ADAMTS12: variants seen among roughly 807,000 people sequenced by gnomAD.
The protein encoded by ADAMTS12 is A disintegrin and metalloproteinase with thrombospondin motifs 12.
A neutral mutation model predicts 167.8 loss-of-function variants in ADAMTS12; 118 were observed. That is an observed-to-expected ratio of 0.70 (90% confidence interval 0.61 to 0.82). ADAMTS12 has a LOEUF of 0.82. ADAMTS12 is among the 40% of genes least tolerant of loss of function. The pLI is 0.00. For synonymous variants in ADAMTS12, 704 were observed against 716.9 expected (o/e 0.98, Z 0.29); for missense variants, 1,916 against 1,998.8 (o/e 0.96, Z 0.79).
intron 17 of ADAMTS12, among the ~76,000 whole-genome samples, chr5:33,594,832 C>T (rs1174092284): frequency 6.6e-6 from 1 of 152,212 alleles, no homozygotes; most frequent in Non-Finnish European, 1.5e-5. Context: ...AAGAGACTGA[C>T]ATCATTTTTT....
chr5:33,582,145 A>C (rs1747096259), intron 18 of ADAMTS12, among the ~76,000 whole-genome samples: 1 of 152,198 alleles, frequency 6.6e-6, no homozygotes, highest in African/African-American at 2.4e-5. Flanking sequence ...AAAAAAAATC[A>C]GACCTAGATA....
intron 3 of ADAMTS12, among the ~76,000 whole-genome samples, chr5:33,697,609 A>G (rs892295955): frequency 6.6e-6 from 1 of 151,940 alleles, no homozygotes; most frequent in Non-Finnish European, 1.5e-5. Flanking sequence ...TTAGATGCCC[A>G]GACACAATAC....
At chr5:33,579,401 T>C (rs1746937430) in intron 18 of ADAMTS12, among the ~76,000 whole-genome samples, 1 of 152,226 alleles carries the variant, frequency 6.6e-6, no homozygotes, top group Non-Finnish European at 1.5e-5. Flanking sequence ...TTCCTTTCCA[T>C]GAAGTATTAG....
At chr5:33,621,418 A>AG (rs1195016199) in intron 14 of ADAMTS12, among the ~76,000 whole-genome samples, 30 of 148,928 alleles carry the variant, frequency 2.0e-4, no homozygotes, top group African/African-American at 7.3e-4. Flanking sequence ...AAAAAAAAAA[A>AG]AGAATATTCA....
chr5:33,731,190 C>CT (rs70964414), intron 3 of ADAMTS12, among the ~76,000 whole-genome samples: 19,292 of 144,410 alleles, frequency 0.13, 1,405 homozygotes, highest in Middle Eastern at 0.17. Flanking sequence ...TCTTTCTTTT[C>CT]TTTTTTTTTT....
chr5:33,829,932 A>G (rs1411740498), intron 2 of ADAMTS12, among the ~76,000 whole-genome samples: 1 of 152,150 alleles, frequency 6.6e-6, no homozygotes, highest in East Asian at 1.9e-4. Context: ...AGCCCTTTCC[A>G]TAACTCTCTT....
intron 2 of ADAMTS12, among the ~76,000 whole-genome samples, chr5:33,770,417 G>A (rs977498671): frequency 6.6e-6 from 1 of 152,094 alleles, no homozygotes; most frequent in Non-Finnish European, 1.5e-5. Flanking sequence ...GTAACTGCCC[G>A]TGATTCAGCT....
intron 2 of ADAMTS12, among the ~76,000 whole-genome samples, chr5:33,755,575 C>G (rs981089207): frequency 5.3e-5 from 8 of 152,168 alleles, no homozygotes; most frequent in African/African-American, 1.7e-4. Context: ...CTGACAGCAT[C>G]TTATATGGAA....
intron 2 of ADAMTS12, among the ~76,000 whole-genome samples, chr5:33,785,711 C>T (rs957048185): frequency 3.3e-5 from 5 of 152,124 alleles, no homozygotes; most frequent in Non-Finnish European, 5.9e-5. Flanking sequence ...TTGTATGTTG[C>T]TGTTGAAAAT....
chr5:33,699,072 G>A (rs1242383232), intron 3 of ADAMTS12, among the ~76,000 whole-genome samples: 1 of 152,148 alleles, frequency 6.6e-6, no homozygotes, highest in Non-Finnish European at 1.5e-5. Context: ...CAGGAGAATT[G>A]CTTGAATCCA....
intron 3 of ADAMTS12, among the ~76,000 whole-genome samples, chr5:33,687,106 C>T (rs1477546267): frequency 6.7e-6 from 1 of 148,468 alleles, no homozygotes; most frequent in Non-Finnish European, 1.5e-5. Flanking sequence ...TTTTTAAAGA[C>T]ATCTTTAAAG....
intron 3 of ADAMTS12, among the ~76,000 whole-genome samples, chr5:33,694,997 T>C (rs906549764): frequency 1.3e-5 from 2 of 152,222 alleles, no homozygotes; most frequent in African/African-American, 4.8e-5. Flanking sequence ...TGGATATCCA[T>C]CTAGGGTCTC....
intron 19 of ADAMTS12, among the ~76,000 whole-genome samples, chr5:33,571,260 C>T (rs2111936233): frequency 6.6e-6 from 1 of 152,302 alleles, no homozygotes; most frequent in East Asian, 1.9e-4. Context: ...TAGACATCTA[C>T]AGAACTCTCC....
chr5:33,729,041 G>A (rs747170791), intron 3 of ADAMTS12, among the ~76,000 whole-genome samples: 14 of 152,276 alleles, frequency 9.2e-5, no homozygotes, highest in Non-Finnish European at 1.0e-4. Context: ...AAACCGATGA[G>A]CATCAAATAT....
chr5:33,736,370 T>G (rs1368771283), intron 3 of ADAMTS12, among the ~76,000 whole-genome samples: 11 of 152,232 alleles, frequency 7.2e-5, no homozygotes, highest in Admixed American at 4.6e-4. Context: ...GCCTGTAGTT[T>G]GTTTTTAAAA....
intron 2 of ADAMTS12, among the ~76,000 whole-genome samples, chr5:33,780,685 A>G (rs1343886910): frequency 6.6e-6 from 1 of 152,172 alleles, no homozygotes; most frequent in South Asian, 2.1e-4. Context: ...TATCAGGCTA[A>G]TATTATATTC....
At chr5:33,630,998 C>T in intron 12 of ADAMTS12, 85 bp from the exon 13 acceptor site, 1 of 1,514,778 alleles carries the variant, frequency 6.6e-7, no homozygotes, top group Non-Finnish European at 9.0e-7. Flanking sequence ...CTTAGGACCC[C>T]CAAGTGTCAT....
chr5:33,616,133 G>A, intron 14 of ADAMTS12, 61 bp from the exon 15 acceptor site: 1 of 1,585,746 alleles, frequency 6.3e-7, no homozygotes, highest in South Asian at 1.1e-5. Context: ...AATGCAATCT[G>A]TTTGTGACCC....
Position 33,683,081 on chromosome 5 carries a change from G to A in ADAMTS12, c.852C>T (p.Asn284=), listed in dbSNP as rs757701126. ...IMNMVTGLFH[N]PSIGNAIHIV... Reference sequence around the variant, plus strand: ...TGTGAATTGCATTGCCAATGCTTGGGTTATGGAACAACCCAGTGACCTAGG... The same window carrying A: ...TGTGAATTGCATTGCCAATGCTTGGATTATGGAACAACCCAGTGACCTAGG... The change falls in exon 5 of 24, where the codon AAC becomes AAT. Residue 284 remains asparagine, a synonymous_variant. Coordinates refer to ENST00000504830, the MANE Select transcript of ADAMTS12 (RefSeq NM_030955.4). 1 of 1,613,170 alleles carries A rather than the reference G, an allele frequency of 6.2e-7. No individual in the cohort carries two copies. The highest frequency in any genetic ancestry group is 1.1e-5 in the South Asian group (1 of 90,834).
Sources: gnomAD v4.1 joint callset for allele counts (sites outside exome capture counted in the v4.1 genomes callset) on GRCh38, gnomAD v4.1.1 for gene constraint, MANE v1.5 for transcripts, NCBI Gene and HGNC (gene_info 2026-07-23, HGNC 2026-07-21) for gene names.